RNPC3: variants seen among roughly 807,000 people sequenced by gnomAD.
RNPC3 encodes RNA binding region (RNP1, RRM) containing 3, also known as RNA-binding region-containing protein 3.
A neutral mutation model predicts 67.5 loss-of-function variants in RNPC3; 48 were observed. That is an observed-to-expected ratio of 0.71 (90% CI 0.56 to 0.90). The LOEUF is 0.90. Among genes scored for constraint, RNPC3 ranks in the 40% least tolerant of loss-of-function variants. The pLI, the probability that RNPC3 is intolerant of heterozygous loss-of-function variation, is 0.00. For missense variants in RNPC3, 637 were observed against 626.1 expected (o/e 1.02, Z -0.19); for synonymous variants, 239 against 210.3 (o/e 1.14, Z -1.18).
chr1:103,546,673 G>A (rs1651251601), intron 11 of RNPC3: 1 of 331,166 alleles, frequency 3.0e-6, no homozygotes, highest in African/African-American at 2.1e-5. Flanking sequence ...TTCATTCTGA[G>A]GGCTTTGAGT....
intron 12 of RNPC3, among the ~76,000 whole-genome samples, chr1:103,548,669 A>T (rs1651307646): frequency 6.6e-6 from 1 of 151,604 alleles, no homozygotes; most frequent in East Asian, 1.9e-4. Context: ...GAGCCCTCCA[A>T]ACTGTTCCAA....
chr1:103,548,913 T>G (rs1385283777), intron 12 of RNPC3, among the ~76,000 whole-genome samples: 7 of 152,168 alleles, frequency 4.6e-5, no homozygotes, highest in Non-Finnish European at 8.8e-5. Flanking sequence ...GCAAGTCACA[T>G]TTTATATGGC....
chr1:103,526,008 T>C lies in RNPC3; in HGVS notation c.-63T>C, dbSNP rs1650692972. 1.5e-6 allele frequency: 2 copies of C among 1,324,990 alleles called. No individual in the cohort carries two copies. The highest frequency in any genetic ancestry group is 4.9e-5 in the Admixed American group (2 of 40,726). 82.1% of individuals were successfully genotyped at this position (1,324,990 alleles called of 1,614,324 possible). A position where few individuals can be genotyped will look rare whatever the true frequency, so the allele number is the denominator to read the frequency against. On this transcript the variant is annotated 5_prime_UTR_variant, in exon 1 of 15. Coordinates refer to ENST00000423855, the MANE Select transcript of RNPC3 (RefSeq NM_017619.4). ...GAAAAAATATTTCTCCCAGCTTGTG[T>C]TGATGCCGCGATTTTGACTGAGACT... is the stretch of plus-strand genomic sequence containing the variant.
intron 10 of RNPC3, 68 bp from the exon 11 acceptor site, chr1:103,546,180 G>T (rs1275892752): frequency 5.6e-6 from 4 of 710,014 alleles, no homozygotes; most frequent in Admixed American, 3.8e-5. Flanking sequence ...TTTCAAAATT[G>T]TAATTATCTT....
At chr1:103,530,033 T>A (rs545649249) in intron 2 of RNPC3, among the ~76,000 whole-genome samples, 1 of 151,374 alleles carries the variant, frequency 6.6e-6, no homozygotes, top group Admixed American at 6.6e-5. Flanking sequence ...GATGAATCAG[T>A]TTCATCTCGA....
intron 12 of RNPC3, among the ~76,000 whole-genome samples, chr1:103,550,478 A>G (rs1188841688): frequency 6.6e-6 from 1 of 151,778 alleles, no homozygotes; most frequent in Non-Finnish European, 1.5e-5. Context: ...CATCTCTACT[A>G]AAAATACAAA....
intron 14 of RNPC3, chr1:103,553,780 T>G (rs1022961865): frequency 6.6e-6 from 1 of 152,222 alleles, no homozygotes; most frequent in Admixed American, 6.5e-5. Flanking sequence ...ACTATGTAAA[T>G]TCTAGAGAGT....
At chr1:103,539,215 A>C (rs1651062454) in intron 7 of RNPC3, among the ~76,000 whole-genome samples, 1 of 152,178 alleles carries the variant, frequency 6.6e-6, no homozygotes, top group African/African-American at 2.4e-5. Context: ...AGTGGTATAT[A>C]GGAGGTGTGA....
intron 7 of RNPC3, among the ~76,000 whole-genome samples, chr1:103,537,874 G>A (rs988782265): frequency 4.6e-5 from 7 of 151,592 alleles, no homozygotes; most frequent in Middle Eastern, 3.4e-3. Context: ...ACGGAGTTTC[G>A]CTCTTATTGC....
intron 6 of RNPC3, among the ~76,000 whole-genome samples, 173 bp downstream of exon 6, chr1:103,536,367 G>A (rs10881214): frequency 0.64 from 97,460 of 151,966 alleles, 31,709 homozygotes; most frequent in African/African-American, 0.73. Flanking sequence ...AGTAAAAGCC[G>A]GAATATGAAA....
chr1:103,551,011 G>C lies in RNPC3; in HGVS notation c.1432G>C (p.Ala478Pro), dbSNP rs375767925. Residue 478 changes from alanine to proline, a missense_variant, in exon 13 of 15, where the codon GCA becomes CCA. Around this residue, in one of 3 missense-constraint regions of RNPC3, gnomAD observed 96 missense variants for 105.8 expected, o/e 0.91. Coordinates refer to ENST00000423855, the MANE Select transcript of RNPC3 (RefSeq NM_017619.4). ...QAFIGLPNEKAAAKALKEANG... is the reference protein window; with the variant it reads ...QAFIGLPNEKPAAKALKEANG... Reference sequence around the variant, plus strand: ...TTTCATTGGACTTCCTAATGAAAAAGCAGCAGCAAAAGCCTTAAAGGAAGC... The same window carrying C: ...TTTCATTGGACTTCCTAATGAAAAACCAGCAGCAAAAGCCTTAAAGGAAGC... 1.2e-6 allele frequency: 2 copies of C among 1,612,238 alleles called. No individual in the cohort carries two copies. The highest frequency in any genetic ancestry group is 1.7e-6 in the Non-Finnish European group (2 of 1,179,552).
At chr1:103,551,639 C>T in intron 13 of RNPC3, 82 bp from the exon 14 acceptor site, 7 of 795,612 alleles carry the variant, frequency 8.8e-6, no homozygotes, top group East Asian at 2.9e-5. Context: ...ATACTCCCAC[C>T]ATACACTAGA....
At chr1:103,551,171 G>A in intron 13 of RNPC3, 98 bp downstream of exon 13, 1 of 996,144 alleles carries the variant, frequency 1.0e-6, no homozygotes, top group South Asian at 1.8e-5. Flanking sequence ...TCCACAATTG[G>A]CATTCTAGCA....
chr1:103,549,841 C>T lies in RNPC3; in HGVS notation c.1362-1100C>T, dbSNP rs182100833. 1.8e-3 allele frequency among the ~76,000 whole-genome samples: 281 copies of T among 152,102 alleles called. 4 individuals carry two copies. In the Middle Eastern group the frequency reaches 0.054, roughly 29 times the overall value. ...TAATCATTGAGGTTCCTTTCTACTCCGAAGTTCTGTAATTGCTTATAATAA... is the reference window on the plus strand; with the variant it reads ...TAATCATTGAGGTTCCTTTCTACTCTGAAGTTCTGTAATTGCTTATAATAA... On this transcript the variant is annotated intron_variant, in intron 12 of 14. Coordinates refer to ENST00000423855, the MANE Select transcript of RNPC3 (RefSeq NM_017619.4).
intron 4 of RNPC3, 104 bp from the exon 5 acceptor site, chr1:103,535,226 T>A (rs756152429): frequency 3.3e-5 from 23 of 692,892 alleles, no homozygotes; most frequent in Non-Finnish European, 5.4e-5. Context: ...AATCTAATAG[T>A]ACTGTATCAT....
In RNPC3 at chr1:103,551,731, G is replaced by T; in HGVS notation, c.1505G>T (p.Arg502Leu). 2 of 1,528,466 alleles carry T rather than the reference G, an allele frequency of 1.3e-6. No individual in the cohort carries two copies. Among genetic ancestry groups the T allele is most frequent in the South Asian group, 1.3e-5 (1 of 79,940 alleles). 94.7% of individuals were successfully genotyped at this position (1,528,466 alleles called of 1,614,324 possible). ...ATTTTAAATTATTAGCAGTTTGCTC[G>T]ATCTGCTAGACCAAAACAAGATCCT... Reference protein sequence around the residue: ...FGKPMVVQFARSARPKQDPKE... With the variant: ...FGKPMVVQFALSARPKQDPKE... Residue 502 changes from arginine (R) to leucine (L), a missense_variant, in exon 14 of 15, where the codon CGA becomes CTA. Arg to Leu is a moderately radical substitution (Grantham distance 102, BLOSUM62 -2). Coordinates refer to ENST00000423855, the MANE Select transcript of RNPC3 (RefSeq NM_017619.4).
chr1:103,542,244 T>G (rs1022775055), intron 8 of RNPC3, among the ~76,000 whole-genome samples: 7 of 151,894 alleles, frequency 4.6e-5, no homozygotes, highest in African/African-American at 1.4e-4. Context: ...GAAAAGGTTG[T>G]AAGAGAGAGG....
In RNPC3 at chr1:103,526,088, G is replaced by A. The variant is rs1196826620; in HGVS notation, c.18G>A (p.Gln6=). Residue 6 remains glutamine, a synonymous_variant, in exon 1 of 15, where the codon CAG becomes CAA. Coordinates refer to ENST00000423855, the MANE Select transcript of RNPC3 (RefSeq NM_017619.4). The part of the protein sequence containing the change: MAAPE[Q]PLAISRGCTS... Reference sequence around the variant, plus strand: ...CAAGGAAAATGGCAGCTCCCGAGCAGCCGCTTGCGATATCAAGGGGATGCA... The same window carrying A: ...CAAGGAAAATGGCAGCTCCCGAGCAACCGCTTGCGATATCAAGGGGATGCA... 1.7e-5 allele frequency: 26 copies of A among 1,540,984 alleles called. No individual in the cohort carries two copies. Among genetic ancestry groups the A allele is most frequent in the Middle Eastern group, 1.7e-4 (1 of 5,946 alleles).
Position 103,543,457 on chromosome 1 carries a change from T to C in RNPC3, c.1045+10T>C, listed in dbSNP as rs1651173031. On this transcript the variant is annotated intron_variant, in intron 9 of 14. Transcript: ENST00000423855. ...GAGGAAAAAAATCATGGTAAGGATA[T>C]TCTAGTTATTTCACATGCTGAAATC... The C allele has an allele frequency of 6.9e-7, 1 of 1,449,420 alleles. No homozygotes were observed. The highest frequency in any genetic ancestry group is 2.7e-5 in the East Asian group (1 of 36,682). The allele number at this position is 1,449,420 out of a possible 1,614,324, so 89.8% of individuals were successfully genotyped here.
Sources: allele counts gnomAD v4.1 joint callset (sites outside exome capture counted in the v4.1 genomes callset), GRCh38; gene constraint gnomAD v4.1.1; regional missense constraint gnomAD v4.1.1; transcripts MANE v1.5; gene names NCBI Gene and HGNC (gene_info 2026-07-23, HGNC 2026-07-21).